MKX: variants seen among roughly 807,000 people sequenced by gnomAD.
The protein encoded by MKX is mohawk homeobox, also known as homeobox protein Mohawk.
Under a neutral mutation model 36.0 loss-of-function variants are expected in MKX, and 13 were observed. That is an observed-to-expected ratio of 0.36 (90% CI 0.24 to 0.57). The LOEUF is 0.57. MKX is among the 20% of genes least tolerant of loss of function. The probability of loss-of-function intolerance (pLI) is 0.79; values close to 1 mark genes in which losing one functional copy is unlikely to be tolerated. For synonymous variants in MKX, 176 were observed against 178.3 expected, an observed-to-expected ratio of 0.99 and a Z score of 0.10; for missense variants, 458 against 456.4, an observed-to-expected ratio of 1.00 and a Z score of -0.03.
intron 3 of MKX, 152 bp from the exon 4 acceptor site, chr10:27,735,526 C>T: frequency 1.7e-6 from 1 of 593,736 alleles, no homozygotes. Context: ...TCCATTCATT[C>T]ATTTGACAAA....
Position 27,742,221 on chromosome 10 carries a change from G to T in MKX, c.189-717C>A, listed in dbSNP as rs532411227. On this transcript the variant is annotated intron_variant, in intron 2 of 6. Coordinates refer to ENST00000419761, the MANE Select transcript of MKX (RefSeq NM_173576.3). This position sits in a 1 kb window ranked among gnomAD's most constrained non-coding sequence, Gnocchi z 4.2. ...ACCTCAGGAAAAGCACATTCAAAGG[G>T]GGAGGAGGCAGAGGCAGCCAGGAGC... Among the ~76,000 whole-genome samples, 1 of 152,152 alleles carries T rather than the reference G, an allele frequency of 6.6e-6. No homozygotes were observed. The highest frequency in any genetic ancestry group is 2.4e-5 in the African/African-American group (1 of 41,460).
chr10:27,744,707 CGCAT>C lies in MKX; in HGVS notation c.-83+996_-83+999del. 1 of 137,942 alleles carries C rather than the reference CGCAT, an allele frequency of 7.2e-6. No individual in the cohort carries two copies. The highest frequency in any genetic ancestry group is 2.5e-4 in the South Asian group (1 of 3,944). 8.5% of individuals were successfully genotyped at this position (137,942 alleles called of 1,614,324 possible). A position where few individuals can be genotyped will look rare whatever the true frequency, so the allele number is the denominator to read the frequency against. On this transcript the variant is annotated intron_variant, in intron 1 of 6. Transcript: ENST00000419761. The surrounding 1 kb of genome is among the most constrained non-coding windows in gnomAD (Gnocchi z 5.6). Reference sequence around the variant, plus strand: ...GCTACTCCACTAACACACGCGCGCGCGCATACACACACACACACACACACACACA... The same window carrying C: ...GCTACTCCACTAACACACGCGCGCGCACACACACACACACACACACACACA...
At position 27,743,403 on chromosome 10, in the gene MKX, C is replaced by T. The variant is rs1291118259; in HGVS notation, c.13G>A (p.Val5Ile). The T allele has an allele frequency of 1.9e-6, 3 of 1,560,840 alleles. No individual in the cohort carries two copies. Among genetic ancestry groups the T allele is most frequent in the East Asian group, 2.5e-5 (1 of 40,772 alleles). Residue 5 changes from valine (V) to isoleucine (I), a missense_variant, in exon 2 of 7, where the codon GTC becomes ATC. Coordinates refer to ENST00000419761, the MANE Select transcript of MKX (RefSeq NM_173576.3). ...ACCGCACCGCTGAGCTTGTTGAAGA[C>T]GATGGTGTTCATGGTGTCGGTTGGT... The part of the protein sequence containing the change: MNTI[V>I]FNKLSGAVLF...
intron 5 of MKX, 77 bp from the exon 6 acceptor site, chr10:27,675,631 GACCAGAAGTAAAAGTTCTTCAGGAAAT>G (rs1447990918): frequency 5.1e-6 from 7 of 1,369,340 alleles, no homozygotes; most frequent in Non-Finnish European, 7.1e-6. Flanking sequence ...CATCACTAAT[GACCAGAAGTAAAAGTTCTTCAGGAAAT>G]ATGGTTGAAA....
intron 5 of MKX, among the ~76,000 whole-genome samples, chr10:27,732,536 A>G (rs537723895): frequency 2.3e-4 from 35 of 151,490 alleles, no homozygotes; most frequent in African/African-American, 7.7e-4. Context: ...ATTTGCGTCG[A>G]TTTTTGCTTG....
Position 27,675,560 on chromosome 10 carries a change from A to ATTAC in MKX, c.839-7_839-6insGTAA, listed in dbSNP as rs1836132350. On this transcript the variant is annotated splice_polypyrimidine_tract_variant and splice_region_variant and intron_variant, in intron 5 of 6. Transcript: ENST00000419761. ...GGATCCGTTTTCCAGAGTGTCTGTA[A>ATTAC]AGAAAAGCAAAAATTCAATTATTTT... 5.0e-6 allele frequency: 8 copies of ATTAC among 1,612,866 alleles called. No homozygotes were observed. The highest frequency in any genetic ancestry group is 6.8e-6 in the Non-Finnish European group (8 of 1,179,580).
rs1358016573 is a variant in MKX at position 27,744,209 on chromosome 10, C to T, written c.-82-712G>A. Among the ~76,000 whole-genome samples, 2 of 152,090 alleles carry T rather than the reference C, an allele frequency of 1.3e-5. No individual in the cohort carries two copies. The highest frequency in any genetic ancestry group is 4.8e-5 in the African/African-American group (2 of 41,416). ...AATCTTCCTATCATCCCCCAACGCG[C>T]CCCGGGAAGTGCATGGTCCTAAGGT... On this transcript the variant is annotated intron_variant, in intron 1 of 6. Transcript: ENST00000419761. The surrounding 1 kb of genome is among the most constrained non-coding windows in gnomAD (Gnocchi z 5.6).
Position 27,715,762 on chromosome 10 carries a change from C to T in MKX, c.838+18694G>A, listed in dbSNP as rs193151114. Among the ~76,000 whole-genome samples, 21 of 152,200 alleles carry T rather than the reference C, an allele frequency of 1.4e-4. No individual in the cohort carries two copies. The East Asian group carries it at 3.1e-3, about 22-fold the overall frequency. ...TGGTGCTCCTTTCATACTTTACTGA[C>T]GTCAGCTGCCTGAGATGAGAGCCTG... On this transcript the variant is annotated intron_variant, in intron 5 of 6. Coordinates refer to ENST00000419761, the MANE Select transcript of MKX (RefSeq NM_173576.3).
intron 1 of MKX, among the ~76,000 whole-genome samples, chr10:27,743,872 C>T (rs1834982446): frequency 6.6e-6 from 1 of 152,136 alleles, no homozygotes; most frequent in Admixed American, 6.5e-5. Context: ...GGCGTGAGGC[C>T]GCGCGTGGTT....
chr10:27,700,948 TG>T (rs1836640327), intron 5 of MKX, among the ~76,000 whole-genome samples: 1 of 152,208 alleles, frequency 6.6e-6, no homozygotes, highest in South Asian at 2.1e-4. Flanking sequence ...TTAATTTTTG[TG>T]GGTACATAGT....
At chr10:27,701,827 G>GTATA (rs10609979) in intron 5 of MKX, among the ~76,000 whole-genome samples, 90 of 145,496 alleles carry the variant, frequency 6.2e-4, no homozygotes, top group African/African-American at 2.1e-3. Context: ...GTGTGTGTGT[G>GTATA]TATATATATA....
At chr10:27,718,204 TAAG>T (rs947757751) in intron 5 of MKX, among the ~76,000 whole-genome samples, 33 of 152,134 alleles carry the variant, frequency 2.2e-4, no homozygotes, top group Admixed American at 2.0e-3. Context: ...GTATTATTAC[TAAG>T]AAGAAGAAGA....
rs755471075 is a variant in MKX at position 27,675,209 on chromosome 10, A to C, written c.*20T>G. On this transcript the variant is annotated 3_prime_UTR_variant, in exon 7 of 7. Coordinates refer to ENST00000419761, the MANE Select transcript of MKX (RefSeq NM_173576.3). ...AAACACCGGAAAGAACATCCATTGGATCTGAAAAGCAACAAGCTCTTAAAA... is the reference window on the plus strand; with the variant it reads ...AAACACCGGAAAGAACATCCATTGGCTCTGAAAAGCAACAAGCTCTTAAAA... 1 of 1,608,080 alleles carries C rather than the reference A, an allele frequency of 6.2e-7. No individual in the cohort carries two copies. Among genetic ancestry groups the C allele is most frequent in the South Asian group, 1.1e-5 (1 of 90,170 alleles).
chr10:27,681,658 C>T (rs951253615), intron 5 of MKX, among the ~76,000 whole-genome samples: 1 of 151,940 alleles, frequency 6.6e-6, no homozygotes, highest in African/African-American at 2.4e-5. Flanking sequence ...TGGTGGCTCA[C>T]GCCTGTAATC....
intron 5 of MKX, among the ~76,000 whole-genome samples, chr10:27,732,296 T>C (rs1038172673): frequency 2.6e-5 from 4 of 152,294 alleles, no homozygotes; most frequent in East Asian, 3.9e-4. Context: ...GTTTTGGGAA[T>C]TGGATTGACT....
chr10:27,743,668 G>C (rs1317595125), intron 1 of MKX, 171 bp from the exon 2 acceptor site: 1 of 488,976 alleles, frequency 2.0e-6, no homozygotes, highest in African/African-American at 2.1e-5. Flanking sequence ...ACACGCCCCC[G>C]CCCCTGCAGG....
chr10:27,690,144 C>T (rs1836427066), intron 5 of MKX, among the ~76,000 whole-genome samples: 2 of 152,194 alleles, frequency 1.3e-5, no homozygotes, highest in South Asian at 4.1e-4. Context: ...AGGCCGAGGC[C>T]AGCAGATCAC....
At chr10:27,743,094 C>T in intron 2 of MKX, 134 bp downstream of exon 2, 1 of 803,812 alleles carries the variant, frequency 1.2e-6, no homozygotes, top group East Asian at 3.4e-5. Flanking sequence ...CCTGGAGGGG[C>T]AGACCTGCAC....
At chr10:27,684,458 A>G (rs1836307859) in intron 5 of MKX, among the ~76,000 whole-genome samples, 1 of 152,214 alleles carries the variant, frequency 6.6e-6, no homozygotes, top group Non-Finnish European at 1.5e-5. Flanking sequence ...ATAAGGGGCA[A>G]TCAGGGATAA....
Sources: allele counts gnomAD v4.1 joint callset (sites outside exome capture counted in the v4.1 genomes callset), GRCh38; gene constraint gnomAD v4.1.1; non-coding constraint Gnocchi (gnomAD v3.1); transcripts MANE v1.5; gene names NCBI Gene and HGNC (gene_info 2026-07-23, HGNC 2026-07-21).